The following RNF150 variants were observed in gnomAD, a reference collection of about 807,000 sequenced individuals.
RNF150 encodes ring finger protein 150.
Under a neutral mutation model 39.3 loss-of-function variants are expected in RNF150, and 24 were observed. That is an observed-to-expected ratio of 0.61 (90% CI 0.44 to 0.86). RNF150 has a LOEUF of 0.86. RNF150 is among the 40% of genes least tolerant of loss of function. The probability of loss-of-function intolerance (pLI) is 0.00; values close to 1 mark genes in which losing one functional copy is unlikely to be tolerated. For missense variants in RNF150, 502 were observed against 587.8 expected, an observed-to-expected ratio of 0.85 and a Z score of 1.51; for synonymous variants, 255 against 227.3, an observed-to-expected ratio of 1.12 and a Z score of -1.10.
chr4:141,134,706 T>C (rs775206386), upstream of RNF150, among the ~76,000 whole-genome samples: 2 of 152,234 alleles, frequency 1.3e-5, no homozygotes, highest in Non-Finnish European at 2.9e-5. Flanking sequence ...TCCTAGCTTA[T>C]TCATTTTAGA....
At chr4:140,933,537 G>T (rs182188928) in intron 4 of RNF150, among the ~76,000 whole-genome samples, 98 of 152,146 alleles carry the variant, frequency 6.4e-4, no homozygotes, top group Non-Finnish European at 1.2e-3. Flanking sequence ...AACACTTCTG[G>T]TCCCAGGCAT....
rs991470350 is a variant in RNF150, at chr4:140,860,691, T to C, written c.*7570A>G. ...TTCCTCTTGCTAGTAGGGAGGAAGA[T>C]TGATTTATGATGTCATGTCTGATTA... On this transcript the variant is annotated 3_prime_UTR_variant, in exon 7 of 7. Coordinates refer to ENST00000515673, the MANE Select transcript of RNF150 (RefSeq NM_020724.2). The C allele has an allele frequency of 2.0e-5, 3 of 152,246 alleles. No homozygotes were observed. Among genetic ancestry groups the C allele is most frequent in the Non-Finnish European group, 4.4e-5 (3 of 68,032 alleles). The allele number at this position is 152,246 out of a possible 1,614,324, so 9.4% of individuals were successfully genotyped here. A position where few individuals can be genotyped will look rare whatever the true frequency, so the allele number is the denominator to read the frequency against.
At chr4:141,117,293 T>C (rs1279618930) in intron 1 of RNF150, among the ~76,000 whole-genome samples, 1 of 152,210 alleles carries the variant, frequency 6.6e-6, no homozygotes, top group African/African-American at 2.4e-5. Context: ...CAAATATATA[T>C]CTAATAACAA....
In RNF150 at chr4:140,911,244, T is replaced by C. The variant is rs1730589519; in HGVS notation, c.1098A>G (p.Ser366=). ...TCCGGACAGCAGGGTCCAAAGTGAC[T>C]GAACTTTCATTCACTGTTGTGTCGC... ...GASDTTVNES[S]VTLDPAVRTV... is the part of the protein sequence containing the mutation. Residue 366 remains serine (S), a synonymous_variant, in exon 6 of 7, where the codon TCA becomes TCG. Transcript: ENST00000515673. The C allele has an allele frequency of 1.2e-6, 2 of 1,614,024 alleles. No homozygotes were observed. The highest frequency in any genetic ancestry group is 1.7e-5 in the Admixed American group (1 of 60,008).
chr4:140,883,991 C>G (rs532944310), intron 6 of RNF150, among the ~76,000 whole-genome samples: 50 of 150,316 alleles, frequency 3.3e-4, no homozygotes, highest in Middle Eastern at 6.8e-3. Flanking sequence ...TTTTTTTGCT[C>G]TTATGACTTG....
At chr4:141,147,923 C>A (rs998404428) in intron 1 of RNF150, among the ~76,000 whole-genome samples, 17 of 152,160 alleles carry the variant, frequency 1.1e-4, no homozygotes, top group Admixed American at 9.2e-4. Flanking sequence ...TAAGTTTTCT[C>A]CCAGGAGTTG....
Position 141,090,171 on chromosome 4 carries a change from T to TAGAGGA in RNF150, c.484+42148_484+42153dup, listed in dbSNP as rs573423453. Among the ~76,000 whole-genome samples, 15 of 152,220 alleles carry TAGAGGA rather than the reference T, an allele frequency of 9.9e-5. No homozygotes were observed. The East Asian group carries it at 2.7e-3, about 27-fold the overall frequency. ...CAGCCCCTAGAATGTGCCTTGAAGA[T>TAGAGGA]AGAGGAGGAAGAACATTAAGAAAAG... On this transcript the variant is annotated intron_variant, in intron 1 of 6. Coordinates refer to ENST00000515673, the MANE Select transcript of RNF150 (RefSeq NM_020724.2).
At chr4:140,875,230 G>A (rs1578919853) in intron 6 of RNF150, among the ~76,000 whole-genome samples, 1 of 150,884 alleles carries the variant, frequency 6.6e-6, no homozygotes, top group Admixed American at 6.6e-5. Context: ...GTGCAGTGGG[G>A]TGATCATAGT....
At chr4:141,015,140 T>A (rs1735223580) in intron 1 of RNF150, among the ~76,000 whole-genome samples, 1 of 152,150 alleles carries the variant, frequency 6.6e-6, no homozygotes, top group Non-Finnish European at 1.5e-5. Context: ...AAGGTGTGGG[T>A]TTATTTCTTC....
intron 1 of RNF150, among the ~76,000 whole-genome samples, chr4:141,161,666 G>A (rs1727514798): frequency 6.6e-6 from 1 of 152,216 alleles, no homozygotes; most frequent in Non-Finnish European, 1.5e-5. Flanking sequence ...TCATGGACCA[G>A]GCCCAGGGCC....
At chr4:141,036,465 G>T (rs567150231) in intron 1 of RNF150, among the ~76,000 whole-genome samples, 1 of 152,248 alleles carries the variant, frequency 6.6e-6, no homozygotes, top group East Asian at 1.9e-4. Flanking sequence ...TATACATCCT[G>T]TTGTGCAGTA....
intron 4 of RNF150, among the ~76,000 whole-genome samples, chr4:140,929,585 C>G (rs1479546527): frequency 1.3e-5 from 2 of 151,900 alleles, no homozygotes; most frequent in African/African-American, 4.8e-5. Context: ...CCAGGATGGT[C>G]TCGATCTCCT....
upstream of RNF150, among the ~76,000 whole-genome samples, chr4:141,135,385 TAC>T (rs1215552914): frequency 1.3e-5 from 2 of 152,084 alleles, no homozygotes; most frequent in African/African-American, 4.8e-5. Flanking sequence ...ACTGGGAAAG[TAC>T]AGAGTGAGCC....
intron 1 of RNF150, among the ~76,000 whole-genome samples, chr4:141,149,734 C>T (rs764563137): frequency 6.6e-6 from 1 of 152,100 alleles, no homozygotes; most frequent in Non-Finnish European, 1.5e-5. Context: ...GACTTCTTTT[C>T]CTCTAGGTAG....
At chr4:141,024,663 G>A (rs1441042787) in intron 1 of RNF150, among the ~76,000 whole-genome samples, 1 of 152,208 alleles carries the variant, frequency 6.6e-6, no homozygotes, top group Non-Finnish European at 1.5e-5. Flanking sequence ...GTGTGCGGGT[G>A]GCAATCCGGT....
At chr4:141,022,567 A>G (rs1024236957) in intron 1 of RNF150, among the ~76,000 whole-genome samples, 1 of 152,200 alleles carries the variant, frequency 6.6e-6, no homozygotes, top group Non-Finnish European at 1.5e-5. Context: ...TGACCAAGCA[A>G]GTTAAAAACT....
chr4:140,923,831 T>G (rs972096703), intron 5 of RNF150, among the ~76,000 whole-genome samples: 1 of 152,184 alleles, frequency 6.6e-6, no homozygotes, highest in Non-Finnish European at 1.5e-5. Flanking sequence ...GGGACATGGA[T>G]GAAGCTAGAA....
At chr4:141,187,060 T>C (rs1728025309) in intron 1 of RNF150, among the ~76,000 whole-genome samples, 1 of 152,240 alleles carries the variant, frequency 6.6e-6, no homozygotes, top group Non-Finnish European at 1.5e-5. Flanking sequence ...TGTGTCTTTG[T>C]TCTCATTGGT....
At chr4:141,131,187 G>T (rs749664742) in intron 1 of RNF150, among the ~76,000 whole-genome samples, 13 of 152,226 alleles carry the variant, frequency 8.5e-5, no homozygotes, top group Non-Finnish European at 1.8e-4. Context: ...TGTAGCCAGA[G>T]CTTGGTGTTC....
Sources: gnomAD v4.1 joint callset for allele counts (sites outside exome capture counted in the v4.1 genomes callset) on GRCh38, gnomAD v4.1.1 for gene constraint, MANE v1.5 for transcripts, NCBI Gene and HGNC (gene_info 2026-07-23, HGNC 2026-07-21) for gene names.